Variants in PGCKA1 observed in about 807,000 individuals in gnomAD.
The protein encoded by PGCKA1 is PDCD10 and GCKIII kinases associated 1.
the PGCKA1 span, among the ~76,000 whole-genome samples, chr4:37,572,619 A>T: frequency 6.6e-6 from 1 of 152,224 alleles, no homozygotes; most frequent in Admixed American, 6.5e-5. Context: ...GCTTGAGAAC[A>T]GAAATGTTTT....
the PGCKA1 span, among the ~76,000 whole-genome samples, chr4:37,548,642 A>G: frequency 0.15 from 23,232 of 152,212 alleles, 2,205 homozygotes; most frequent in East Asian, 0.43. Context: ...AACATTAATA[A>G]CACACTAATA....
the PGCKA1 span, among the ~76,000 whole-genome samples, chr4:37,563,821 A>G: frequency 6.6e-6 from 1 of 152,212 alleles, no homozygotes; most frequent in Non-Finnish European, 1.5e-5. Flanking sequence ...AGTTTCTTCC[A>G]GATGTCTGCC....
At chr4:37,468,828 G>T in the PGCKA1 span, among the ~76,000 whole-genome samples, 4 of 151,914 alleles carry the variant, frequency 2.6e-5, no homozygotes, top group African/African-American at 9.7e-5. Flanking sequence ...TTCTGTGCGG[G>T]TTCACAATGC....
At chr4:37,513,913 T>C in the PGCKA1 span, among the ~76,000 whole-genome samples, 1 of 152,188 alleles carries the variant, frequency 6.6e-6, no homozygotes. Flanking sequence ...CGAAAAATGG[T>C]ATATTGAGCA....
chr4:37,479,753 G>C, the PGCKA1 span, among the ~76,000 whole-genome samples: 9 of 152,138 alleles, frequency 5.9e-5, no homozygotes, highest in Non-Finnish European at 1.2e-4. Flanking sequence ...GGAATGGGTA[G>C]AAATTTTTTC....
the PGCKA1 span, chr4:37,588,666 A>T: frequency 2.9e-5 from 16 of 555,258 alleles, no homozygotes. Context: ...TGAAGCGGTG[A>T]TGGAAATGGG....
At chr4:37,543,051 C>T in the PGCKA1 span, among the ~76,000 whole-genome samples, 1 of 152,216 alleles carries the variant, frequency 6.6e-6, no homozygotes, top group Non-Finnish European at 1.5e-5. Context: ...TCTCTTATGA[C>T]TAGACTGGTC....
At chr4:37,564,055 C>T in the PGCKA1 span, among the ~76,000 whole-genome samples, 3 of 151,988 alleles carry the variant, frequency 2.0e-5, no homozygotes, top group Admixed American at 6.6e-5. Flanking sequence ...GGTGGATCAC[C>T]GGAGATCAGG....
At chr4:37,537,863 A>G in the PGCKA1 span, among the ~76,000 whole-genome samples, 1 of 152,190 alleles carries the variant, frequency 6.6e-6, no homozygotes. Flanking sequence ...ACCAATTTCC[A>G]TTATCGTAAA....
the PGCKA1 span, among the ~76,000 whole-genome samples, chr4:37,560,260 C>T: frequency 6.6e-6 from 1 of 152,168 alleles, no homozygotes; most frequent in Non-Finnish European, 1.5e-5. Flanking sequence ...GGATCCTCAC[C>T]CTGCAGGACT....
the PGCKA1 span, among the ~76,000 whole-genome samples, chr4:37,533,086 A>G: frequency 1.2e-4 from 14 of 112,588 alleles, no homozygotes; most frequent in Non-Finnish European, 2.9e-4. Flanking sequence ...CCACCTGTAC[A>G]CCCAATAGCT....
chr4:37,494,460 TC>T, the PGCKA1 span, among the ~76,000 whole-genome samples: 4 of 152,216 alleles, frequency 2.6e-5, no homozygotes, highest in Non-Finnish European at 4.4e-5. Flanking sequence ...ATGATATTGT[TC>T]CTTTTTACAC....
At chr4:37,510,348 C>T in the PGCKA1 span, among the ~76,000 whole-genome samples, 4 of 152,030 alleles carry the variant, frequency 2.6e-5, no homozygotes, top group Admixed American at 2.6e-4. Flanking sequence ...TGTACCCATC[C>T]TCCTTGGGAA....
chr4:37,492,849 C>T, the PGCKA1 span, among the ~76,000 whole-genome samples: 2 of 152,086 alleles, frequency 1.3e-5, no homozygotes, highest in Admixed American at 6.6e-5. This position sits in a 1 kb window ranked among gnomAD's most constrained non-coding sequence, Gnocchi z 4.7. Flanking sequence ...GCCTGAGGTA[C>T]CTGCTGCTGC....
the PGCKA1 span, among the ~76,000 whole-genome samples, chr4:37,550,320 G>A: frequency 6.6e-6 from 1 of 151,770 alleles, no homozygotes; most frequent in South Asian, 2.1e-4. Context: ...TAATCAGCAA[G>A]GAATAGGGTG....
At chr4:37,538,159 G>C in the PGCKA1 span, among the ~76,000 whole-genome samples, 1 of 152,042 alleles carries the variant, frequency 6.6e-6, no homozygotes, top group Non-Finnish European at 1.5e-5. Flanking sequence ...ACTGGGACTG[G>C]ATCCAGTGAA....
the PGCKA1 span, among the ~76,000 whole-genome samples, chr4:37,568,935 T>A: frequency 1.3e-5 from 2 of 151,890 alleles, no homozygotes; most frequent in African/African-American, 2.4e-5. Flanking sequence ...ACCAAAAAAA[T>A]TAATAAATAA....
chr4:37,586,687 A>G, the PGCKA1 span, among the ~76,000 whole-genome samples: 3 of 152,232 alleles, frequency 2.0e-5, no homozygotes, highest in Admixed American at 6.5e-5. Context: ...AGGTGGATGG[A>G]TCACCTGAGG....
At chr4:37,455,907 C>A in the PGCKA1 span, among the ~76,000 whole-genome samples, 1 of 152,224 alleles carries the variant, frequency 6.6e-6, no homozygotes, top group Non-Finnish European at 1.5e-5. Flanking sequence ...TAATTGAATA[C>A]CAGCCTTCCA....
Sources: gnomAD v4.1 joint callset for allele counts (sites outside exome capture counted in the v4.1 genomes callset) on GRCh38, gnomAD v4.1.1 for gene constraint, Gnocchi (gnomAD v3.1) non-coding constraint, MANE v1.5 for transcripts, NCBI Gene and HGNC (gene_info 2026-07-23, HGNC 2026-07-21) for gene names.